The following ZDHHC14 variants were observed in gnomAD, a reference collection of about 807,000 sequenced individuals.
The protein encoded by ZDHHC14 is palmitoyltransferase ZDHHC14.
In ZDHHC14, 16 loss-of-function variants were observed where a neutral mutation model predicts 47.7. The observed-to-expected ratio is 0.34, with a 90% CI of 0.23 to 0.51. ZDHHC14 has a LOEUF of 0.51. ZDHHC14 is among the 20% of genes least tolerant of loss of function. The pLI is 0.97. For missense variants in ZDHHC14, 515 were observed against 662.5 expected, an observed-to-expected ratio of 0.78 and a Z score of 2.44; for synonymous variants, 293 against 278.9, an observed-to-expected ratio of 1.05 and a Z score of -0.50.
intron 3 of ZDHHC14, among the ~76,000 whole-genome samples, chr6:157,626,497 A>G (rs1019199551): frequency 5.9e-5 from 9 of 152,174 alleles, no homozygotes; most frequent in Non-Finnish European, 1.3e-4. Flanking sequence ...TTCGTTGTCA[A>G]TATTTAAACA....
intron 2 of ZDHHC14, among the ~76,000 whole-genome samples, chr6:157,544,709 C>T (rs1418777028): frequency 6.6e-6 from 1 of 152,158 alleles, no homozygotes; most frequent in East Asian, 1.9e-4. Flanking sequence ...ACTTCACACC[C>T]TCTAGGATGG....
chr6:157,444,630 A>T (rs1006084824), intron 1 of ZDHHC14, among the ~76,000 whole-genome samples: 28 of 151,714 alleles, frequency 1.8e-4, no homozygotes, highest in African/African-American at 6.3e-4. Context: ...GTGAGCCAAG[A>T]TTGCACCATT....
intron 7 of ZDHHC14, 152 bp from the exon 8 acceptor site, chr6:157,653,373 T>G (rs965105186): frequency 1.5e-6 from 1 of 686,654 alleles, no homozygotes; most frequent in African/African-American, 1.8e-5. Flanking sequence ...GGTCACTGAT[T>G]ATACACGAAA....
At chr6:157,387,998 G>A (rs1234125145) in intron 1 of ZDHHC14, among the ~76,000 whole-genome samples, 1 of 152,208 alleles carries the variant, frequency 6.6e-6, no homozygotes, top group Non-Finnish European at 1.5e-5. Context: ...ATTCAAGTGT[G>A]TTAATTAAAG....
At chr6:157,568,175 C>A (rs1782976611) in intron 2 of ZDHHC14, among the ~76,000 whole-genome samples, 1 of 152,142 alleles carries the variant, frequency 6.6e-6, no homozygotes, top group South Asian at 2.1e-4. Flanking sequence ...GAACCAATTT[C>A]TTTTGCAAAT....
At position 157,382,009 on chromosome 6, in the gene ZDHHC14, G is replaced by T. The variant is rs370577997; in HGVS notation, c.-13G>T. The T allele has an allele frequency of 2.4e-5, 34 of 1,429,216 alleles. No homozygotes were observed. Among genetic ancestry groups the T allele is most frequent in the Non-Finnish European group, 3.1e-5 (34 of 1,088,882 alleles). 88.5% of individuals were successfully genotyped at this position (1,429,216 alleles called of 1,614,324 possible). A position where few individuals can be genotyped will look rare whatever the true frequency, so the allele number is the denominator to read the frequency against. On this transcript the variant is annotated 5_prime_UTR_variant, in exon 1 of 9. Transcript: ENST00000359775. The stretch of plus-strand genomic sequence containing the variant: ...TCCTGGGGGTGTGCGCCCCCAGCCG[G>T]CTGCCCTCGTGGATGCCTCCCGGCG...
chr6:157,629,003 T>G (rs1300364681), intron 4 of ZDHHC14, among the ~76,000 whole-genome samples: 1 of 152,204 alleles, frequency 6.6e-6, no homozygotes, highest in Non-Finnish European at 1.5e-5. Flanking sequence ...CACACAAATC[T>G]ATATAGGTTA....
At position 157,662,219 on chromosome 6, in the gene ZDHHC14, T is replaced by C. The variant is rs190082219; in HGVS notation, c.1068+8592T>C. Among the ~76,000 whole-genome samples, 1,274 of 152,308 alleles carry C rather than the reference T, an allele frequency of 8.4e-3. 24 individuals are homozygous for C. Among genetic ancestry groups the C allele is most frequent in the African/African-American group, 0.029 (1,197 of 41,576 alleles). ...TTTTTTGAGACAGAGTCTCACTCTGTCGCCCAGGCTGTAGTGCGGTAGCAC... is the reference window on the plus strand; with the variant it reads ...TTTTTTGAGACAGAGTCTCACTCTGCCGCCCAGGCTGTAGTGCGGTAGCAC... On this transcript the variant is annotated intron_variant, in intron 8 of 8. Transcript: ENST00000359775.
At chr6:157,467,574 G>T (rs1779250606) in intron 1 of ZDHHC14, among the ~76,000 whole-genome samples, 1 of 148,962 alleles carries the variant, frequency 6.7e-6, no homozygotes, top group South Asian at 2.1e-4. Context: ...TTTTGAGATG[G>T]AGCCTCACTC....
chr6:157,562,594 G>A (rs560578963), intron 2 of ZDHHC14, among the ~76,000 whole-genome samples: 5 of 152,090 alleles, frequency 3.3e-5, no homozygotes, highest in Non-Finnish European at 1.5e-5. Context: ...GCTGCCTCTC[G>A]CTGAGGTCAG....
At chr6:157,569,033 G>T (rs1409191326) in intron 2 of ZDHHC14, among the ~76,000 whole-genome samples, 1 of 151,408 alleles carries the variant, frequency 6.6e-6, no homozygotes, top group African/African-American at 2.4e-5. Flanking sequence ...TTTATCATTT[G>T]CATTTTTATG....
chr6:157,612,962 C>CCTCAAACCTACCAGAAGCACAAAT, intron 3 of ZDHHC14, among the ~76,000 whole-genome samples: 1 of 152,128 alleles, frequency 6.6e-6, no homozygotes, highest in Non-Finnish European at 1.5e-5. Context: ...TATCCTTCAC[C>CCTCAAACCTACCAGAAGCACAAAT]CTCAAACCTA....
chr6:157,545,401 G>A (rs1454151107), intron 2 of ZDHHC14, among the ~76,000 whole-genome samples: 1 of 152,110 alleles, frequency 6.6e-6, no homozygotes, highest in South Asian at 2.1e-4. Context: ...AGGAGGCCGG[G>A]CGCAGTGGCT....
intron 1 of ZDHHC14, among the ~76,000 whole-genome samples, chr6:157,397,104 T>C (rs1231175251): frequency 6.6e-6 from 1 of 152,214 alleles, no homozygotes; most frequent in Admixed American, 6.5e-5. Flanking sequence ...TTTGGAAGGT[T>C]GTATGGGTTT....
chr6:157,430,714 C>A (rs528436885), intron 1 of ZDHHC14, among the ~76,000 whole-genome samples: 1 of 152,338 alleles, frequency 6.6e-6, no homozygotes, highest in South Asian at 2.1e-4. Flanking sequence ...TGTCACTTAA[C>A]GTATTCACAG....
At chr6:157,511,199 C>T (rs535984971) in intron 1 of ZDHHC14, among the ~76,000 whole-genome samples, 2 of 152,234 alleles carry the variant, frequency 1.3e-5, no homozygotes, top group East Asian at 3.9e-4. Context: ...TCTTGGCTGG[C>T]GGGCTGCTTA....
At chr6:157,501,139 T>A (rs1245268663) in intron 1 of ZDHHC14, among the ~76,000 whole-genome samples, 2 of 152,256 alleles carry the variant, frequency 1.3e-5, no homozygotes, top group Non-Finnish European at 2.9e-5. Context: ...AGTTCAGATT[T>A]TAGATAATTT....
At chr6:157,553,146 G>A (rs113725015) in intron 2 of ZDHHC14, among the ~76,000 whole-genome samples, 6,732 of 152,216 alleles carry the variant, frequency 0.044, 517 homozygotes, top group African/African-American at 0.15. Flanking sequence ...GGCTGAGGGG[G>A]CTTCTGGCTA....
At chr6:157,433,312 A>G (rs34430583) in intron 1 of ZDHHC14, among the ~76,000 whole-genome samples, 72,829 of 152,146 alleles carry the variant, frequency 0.48, 17,556 homozygotes, top group East Asian at 0.61. Flanking sequence ...AAATATCATT[A>G]TGTATCTTTT....
Sources: gnomAD v4.1 joint callset for allele counts (sites outside exome capture counted in the v4.1 genomes callset) on GRCh38, gnomAD v4.1.1 for gene constraint, MANE v1.5 for transcripts, NCBI Gene and HGNC (gene_info 2026-07-23, HGNC 2026-07-21) for gene names.